SYNE2: variants seen among roughly 807,000 people sequenced by gnomAD.
SYNE2 encodes nesprin-2.
Under a neutral mutation model 856.3 loss-of-function variants are expected in SYNE2, and 431 were observed. That is an observed-to-expected ratio of 0.50 (90% confidence interval 0.47 to 0.55). The LOEUF (loss-of-function observed/expected upper bound fraction) is 0.55, where lower values mean the gene tolerates loss of function less well. SYNE2 is among the 20% of genes least tolerant of loss of function. The pLI, the probability that SYNE2 is intolerant of heterozygous loss-of-function variation, is 0.00. For missense variants in SYNE2, 8,129 were observed against 8,023.2 expected (o/e 1.01, Z -0.50); for synonymous variants, 2,923 against 2,872.3 (o/e 1.02, Z -0.56).
intron 1 of SYNE2, among the ~76,000 whole-genome samples, chr14:63,794,901 C>G (rs1385631711): frequency 2.0e-5 from 3 of 152,150 alleles, no homozygotes; most frequent in African/African-American, 7.2e-5. Flanking sequence ...AATTCTACTC[C>G]TAGATACTAC....
chr14:64,038,103 A>G (rs1469704257), intron 45 of SYNE2, among the ~76,000 whole-genome samples: 1 of 148,488 alleles, frequency 6.7e-6, no homozygotes, highest in African/African-American at 2.5e-5. Context: ...CCGGGCAGAG[A>G]TGCTCCTCAT....
chr14:64,098,530 G>A, intron 62 of SYNE2: 2 of 616,684 alleles, frequency 3.2e-6, no homozygotes, highest in Non-Finnish European at 5.7e-6. Context: ...TTATGAAGGG[G>A]CACAGGGGGC....
chr14:64,102,018 C>T lies in SYNE2; in HGVS notation c.12468C>T (p.Ser4156=). 2 of 1,613,890 alleles carry T rather than the reference C, an allele frequency of 1.2e-6. No individual in the cohort carries two copies. Among genetic ancestry groups the T allele is most frequent in the African/African-American group, 1.3e-5 (1 of 75,044 alleles). ...HDKDMEEDRA[S]SSSGTIVQEA... The stretch of plus-strand genomic sequence containing the variant: ...AGGACATGGAAGAAGACAGAGCTTC[C>T]TCATCCTCTGGAACAATTGTTCAGG... Residue 4156 remains serine (S), a synonymous_variant, in exon 64 of 116, where the codon TCC becomes TCT. Coordinates refer to ENST00000555002, the MANE Select transcript of SYNE2 (RefSeq NM_182914.3).
intron 1 of SYNE2, among the ~76,000 whole-genome samples, chr14:63,806,235 G>A (rs1452236365): frequency 1.3e-5 from 2 of 152,266 alleles, no homozygotes; most frequent in African/African-American, 4.8e-5. Flanking sequence ...CTGTTGAGAT[G>A]ATCGTGTGGT....
intron 2 of SYNE2, among the ~76,000 whole-genome samples, chr14:63,929,322 C>T (rs2095713183): frequency 6.6e-6 from 1 of 152,094 alleles, no homozygotes; most frequent in African/African-American, 2.4e-5. Flanking sequence ...AAATCTGTAT[C>T]CTATGGAAAT....
In SYNE2 at chr14:64,220,608, G is replaced by A. The variant is rs1346207931; in HGVS notation, c.20032G>A (p.Gly6678Ser). 6.2e-7 allele frequency: 1 copy of A among 1,614,054 alleles called. No homozygotes were observed. The highest frequency in any genetic ancestry group is 1.3e-5 in the African/African-American group (1 of 75,028). ...AQGAVDSWRG[G>S]LRQSLMQCQD... ...GGGCGCAGTGGACAGCTGGAGAGGG[G>A]GCTTACGACAGTCGCTCATGCAGTG... is the stretch of plus-strand genomic sequence containing the variant. The change falls in exon 111 of 116, where the codon GGC (glycine) becomes AGC (serine). Residue 6678 changes from glycine to serine, a missense_variant. Gly to Ser is a moderately conservative substitution (Grantham distance 56). Coordinates refer to ENST00000555002, the MANE Select transcript of SYNE2 (RefSeq NM_182914.3).
At chr14:64,219,927 G>A (rs910465456) in intron 110 of SYNE2, among the ~76,000 whole-genome samples, 1 of 152,208 alleles carries the variant, frequency 6.6e-6, no homozygotes, top group African/African-American at 2.4e-5. Context: ...CCAGGGAGCT[G>A]CAAAGGGACA....
chr14:63,990,397 A>G lies in SYNE2; in HGVS notation c.2314-14A>G, dbSNP rs535399786. ...GAATGTTTATTGTGATCTCACTTCA[A>G]TTTGTTTTAATAGCATCTTATTGCC... On this transcript the variant is annotated splice_polypyrimidine_tract_variant and intron_variant, in intron 19 of 115. Coordinates refer to ENST00000555002, the MANE Select transcript of SYNE2 (RefSeq NM_182914.3). 2.4e-5 allele frequency: 39 copies of G among 1,611,250 alleles called. No individual in the cohort carries two copies. The highest frequency in any genetic ancestry group is 5.0e-5 in the Admixed American group (3 of 59,988).
Position 64,158,753 on chromosome 14 carries a change from G to A in SYNE2, c.15921G>A (p.Val5307=), listed in dbSNP as rs555313966. Residue 5307 remains valine, a synonymous_variant, in exon 86 of 116, where the codon GTG becomes GTA. Coordinates refer to ENST00000555002, the MANE Select transcript of SYNE2 (RefSeq NM_182914.3). ...GCATGGAACACAGCAAGCCTGTGGTGTTATCATTGGAGACCTTGAGATGCC... is the reference window on the plus strand; with the variant it reads ...GCATGGAACACAGCAAGCCTGTGGTATTATCATTGGAGACCTTGAGATGCC... The part of the protein sequence containing the change: ...WYCMEHSKPV[V]LSLETLRCQV... 6.2e-7 allele frequency: 1 copy of A among 1,613,984 alleles called. No homozygotes were observed. Among genetic ancestry groups the A allele is most frequent in the South Asian group, 1.1e-5 (1 of 91,080 alleles).
chr14:64,006,048 T>C (rs2096793526), intron 30 of SYNE2, among the ~76,000 whole-genome samples: 1 of 152,134 alleles, frequency 6.6e-6, no homozygotes, highest in Non-Finnish European at 1.5e-5. Flanking sequence ...GAAGTGAAGA[T>C]TGAGAGTGGA....
At chr14:64,058,212 G>T (rs529089542) in intron 49 of SYNE2, among the ~76,000 whole-genome samples, 1 of 152,156 alleles carries the variant, frequency 6.6e-6, no homozygotes, top group Non-Finnish European at 1.5e-5. Flanking sequence ...GTGTCCTAGA[G>T]AGTTTTCCCC....
chr14:64,125,537 TG>T (rs2097936281), intron 71 of SYNE2, among the ~76,000 whole-genome samples: 1 of 152,170 alleles, frequency 6.6e-6, no homozygotes, highest in African/African-American at 2.4e-5. Context: ...TTTTCAACCC[TG>T]AGCAGACTTA....
Position 64,091,010 on chromosome 14 carries a change from T to C in SYNE2, c.11938T>C (p.Leu3980=), listed in dbSNP as rs751294392. The change falls in exon 60 of 116, where the codon TTG becomes CTG. Residue 3980 remains leucine (L), a synonymous_variant. Transcript: ENST00000555002. Reference sequence around the variant, plus strand: ...TCAGCTTTTACAAGATATAAAACTATTGGAAAATGTGACTCAAGAACAAAA... The same window carrying C: ...TCAGCTTTTACAAGATATAAAACTACTGGAAAATGTGACTCAAGAACAAAA... The part of the protein sequence containing the change: ...TNQLLQDIKL[L]ENVTQEQNEL... 1 of 1,614,156 alleles carries C rather than the reference T, an allele frequency of 6.2e-7. No homozygotes were observed. The highest frequency in any genetic ancestry group is 8.5e-7 in the Non-Finnish European group (1 of 1,179,988).
chr14:63,974,892 G>GTATGTATATATATATATATATATA, intron 11 of SYNE2, among the ~76,000 whole-genome samples: 1 of 67,330 alleles, frequency 1.5e-5, no homozygotes, highest in Non-Finnish European at 3.1e-5. Context: ...GTGTGTGTGT[G>GTATGTATATATATATATATATATA]TATATATATA....
rs753330560 is a variant in SYNE2, at chr14:64,021,925, G to A, written c.5421G>A (p.Leu1807=). 1.2e-6 allele frequency: 2 copies of A among 1,613,836 alleles called. No individual in the cohort carries two copies. The highest frequency in any genetic ancestry group is 1.3e-5 in the African/African-American group (1 of 74,914). The change falls in exon 37 of 116, where the codon CTG becomes CTA. Residue 1807 remains leucine, a synonymous_variant. Coordinates refer to ENST00000555002, the MANE Select transcript of SYNE2 (RefSeq NM_182914.3). ...TACTTGAGAATCAAATAGGTTGTCT[G>A]ACTCCTGAACTCTCTGAATTGAAAA... The part of the protein sequence containing the change: ...MILLENQIGC[L]TPELSELKKQ...
In SYNE2 at chr14:64,219,297, A is replaced by G. The variant is rs771974044; in HGVS notation, c.19747A>G (p.Ile6583Val). Reference protein sequence around the residue: ...KQNLQQLNSDISAITTWLKKT... With the variant: ...KQNLQQLNSDVSAITTWLKKT... ...AAATTTGCAACAGCTGAACTCTGAT[A>G]TCAGCGCCATCACTACTTGGCTGAA... The change falls in exon 110 of 116, where the codon ATC becomes GTC. Residue 6583 changes from isoleucine to valine, a missense_variant. Physicochemically the swap from Ile to Val is conservative, Grantham distance 29. Transcript: ENST00000555002. 1.7e-5 allele frequency: 28 copies of G among 1,613,996 alleles called. No homozygotes were observed. In the Middle Eastern group the frequency reaches 9.9e-4, roughly 57 times the overall value.
Position 64,065,349 on chromosome 14 carries a change from T to C in SYNE2, c.10213-83T>C, listed in dbSNP as rs557787832. 3.0e-5 allele frequency: 35 copies of C among 1,173,446 alleles called. No homozygotes were observed. The African/African-American group carries it at 5.3e-4, about 18-fold the overall frequency. The allele number at this position is 1,173,446 out of a possible 1,614,324, so 72.7% of individuals were successfully genotyped here. On this transcript the variant is annotated intron_variant, in intron 50 of 115. Coordinates refer to ENST00000555002, the MANE Select transcript of SYNE2 (RefSeq NM_182914.3). ...CTTATGGAAGATTGAAATAATTAATTGTTCAGGATTTAAAAGAGTTAGTAA... is the reference window on the plus strand; with the variant it reads ...CTTATGGAAGATTGAAATAATTAATCGTTCAGGATTTAAAAGAGTTAGTAA...
intron 2 of SYNE2, among the ~76,000 whole-genome samples, chr14:63,931,585 A>G (rs2095756349): frequency 6.6e-6 from 1 of 151,944 alleles, no homozygotes; most frequent in Non-Finnish European, 1.5e-5. Flanking sequence ...AAGAAACAAA[A>G]AGAGAAGACA....
intron 1 of SYNE2, among the ~76,000 whole-genome samples, chr14:63,774,468 CAAAAAAAA>C (rs748830808): frequency 1.0e-5 from 1 of 95,326 alleles, no homozygotes; most frequent in East Asian, 3.3e-4. Context: ...GACTCCGTCT[CAAAAAAAA>C]AAAAAAAAAA....
Sources: allele counts gnomAD v4.1 joint callset (sites outside exome capture counted in the v4.1 genomes callset), GRCh38; gene constraint gnomAD v4.1.1; transcripts MANE v1.5; gene names NCBI Gene and HGNC (gene_info 2026-07-23, HGNC 2026-07-21).